The following PLXNB1 variants were observed in gnomAD, a reference collection of about 807,000 sequenced individuals.
PLXNB1 encodes plexin B1, also known as plexin-B1.
In PLXNB1, 106 loss-of-function variants were observed where a neutral mutation model predicts 209.4. That is an observed-to-expected ratio of 0.51 (90% CI 0.43 to 0.59). The LOEUF (loss-of-function observed/expected upper bound fraction) is 0.59. Ranked by LOEUF, PLXNB1 falls within the 20% of genes least tolerant of loss-of-function variation. The pLI is 0.00. For synonymous variants in PLXNB1, 1,167 were observed against 1,183.2 expected (o/e 0.99, Z 0.28); for missense variants, 2,357 against 2,853.2 (o/e 0.83, Z 3.96).
At position 48,418,913 on chromosome 3, in the gene PLXNB1, G is replaced by A. The variant is rs1473580943; in HGVS notation, c.2955+4C>T. 4 of 1,613,818 alleles carry A rather than the reference G, an allele frequency of 2.5e-6. No homozygotes were observed. Among genetic ancestry groups the A allele is most frequent in the South Asian group, 2.2e-5 (2 of 91,088 alleles). On this transcript the variant is annotated splice_donor_region_variant and intron_variant, in intron 13 of 37. Coordinates refer to ENST00000296440, the MANE Select transcript of PLXNB1 (RefSeq NM_001130082.3). The surrounding 1 kb of genome is among the most constrained non-coding windows in gnomAD (Gnocchi z 6.6). ...GTGCCCACCCAGGCGCTCATGGTGTGCACCTGGTGCTGCTGGCAGGTGACA... is the reference window on the plus strand; with the variant it reads ...GTGCCCACCCAGGCGCTCATGGTGTACACCTGGTGCTGCTGGCAGGTGACA...
rs545678060 is a variant in PLXNB1 at position 48,405,606 on chromosome 3, C to T, written c.6303+118G>A. On this transcript the variant is annotated intron_variant, in intron 37 of 37. Transcript: ENST00000296440. This position sits in a 1 kb window ranked among gnomAD's most constrained non-coding sequence, Gnocchi z 5.0. Reference sequence around the variant, plus strand: ...CAAGCCACCAAGGGGCCCGGCCCCCCACTACTCTGTCCCTGGGGAAGACCA... The same window carrying T: ...CAAGCCACCAAGGGGCCCGGCCCCCTACTACTCTGTCCCTGGGGAAGACCA... 5 of 771,352 alleles carry T rather than the reference C, an allele frequency of 6.5e-6. No individual in the cohort carries two copies. Among genetic ancestry groups the T allele is most frequent in the East Asian group, 2.7e-5 (1 of 36,604 alleles). 47.8% of individuals were successfully genotyped at this position (771,352 alleles called of 1,614,324 possible).
Position 48,424,251 on chromosome 3 carries a change from G to A in PLXNB1, c.361C>T (p.Gln121Ter). The A allele has an allele frequency of 6.2e-7, 1 of 1,602,200 alleles. No homozygotes were observed. Among genetic ancestry groups the A allele is most frequent in the Non-Finnish European group, 8.5e-7 (1 of 1,174,628 alleles). ...TGCTCGAGCTGCCCCAGGCGCCGCT[G>A]TTCACAGACCCCCTGGTGCACGCTC... The part of the protein sequence containing the change: ...CGSVHQGVCE[Q>*]RRLGQLEQLL... Residue 121 changes from glutamine (Q) to a stop codon, truncating the protein, a stop_gained, in exon 3 of 38, where the codon CAG (glutamine) becomes TAG (stop). Transcript: ENST00000296440. LOFTEE classifies it high-confidence loss of function.
At position 48,416,211 on chromosome 3, in the gene PLXNB1, A is replaced by G. The variant is rs781123340; in HGVS notation, c.3481-44T>C. On this transcript the variant is annotated intron_variant, in intron 17 of 37. Transcript: ENST00000296440. This position sits in a 1 kb window ranked among gnomAD's most constrained non-coding sequence, Gnocchi z 4.1. ...GAGAGATGAGCATCAGACCAGACAC[A>G]TGGAGGCAGGGACAGCCTGAGAGAC... is the stretch of plus-strand genomic sequence containing the variant. 10 of 1,461,458 alleles carry G rather than the reference A, an allele frequency of 6.8e-6. No homozygotes were observed. Among genetic ancestry groups the G allele is most frequent in the Non-Finnish European group, 9.3e-6 (10 of 1,073,894 alleles). The allele number at this position is 1,461,458 out of a possible 1,614,324, so 90.5% of individuals were successfully genotyped here.
Position 48,418,061 on chromosome 3 carries a change from A to G in PLXNB1, c.3224T>C (p.Val1075Ala), listed in dbSNP as rs780829874. Residue 1075 changes from valine to alanine, a missense_variant and splice_region_variant, in exon 16 of 38, where the codon GTG becomes GCG. Coordinates refer to ENST00000296440, the MANE Select transcript of PLXNB1 (RefSeq NM_001130082.3). The surrounding 1 kb of genome is among the most constrained non-coding windows in gnomAD (Gnocchi z 6.6). ...TQCPAPLIHS[V>A]EPLTGPVDGG... ...GTCTACAGGCCCAGTCAGTGGCTCC[A>G]CCTGTTCCAGGACAAGGACTGCTCA... is the stretch of plus-strand genomic sequence containing the variant. 1.2e-6 allele frequency: 2 copies of G among 1,612,124 alleles called. No homozygotes were observed. The highest frequency in any genetic ancestry group is 1.7e-6 in the Non-Finnish European group (2 of 1,179,440).
intron 10 of PLXNB1, 55 bp downstream of exon 10, chr3:48,420,610 C>G: frequency 7.0e-7 from 1 of 1,422,220 alleles, no homozygotes; most frequent in Non-Finnish European, 9.9e-7. Context: ...GAGAAAAACT[C>G]TCACACTGGG....
In PLXNB1 at chr3:48,419,595, G is replaced by A. The variant is rs200529420; in HGVS notation, c.2691C>T (p.Thr897=). 4.3e-6 allele frequency: 7 copies of A among 1,609,280 alleles called. No individual in the cohort carries two copies. In the East Asian group the frequency reaches 1.3e-4, roughly 31 times the overall value. ...GCCTCACCAGCTCCCAGAGCCCGGGGGTGTCATACTGGTAGTCGAGGCTGG... is the reference window on the plus strand; with the variant it reads ...GCCTCACCAGCTCCCAGAGCCCGGGAGTGTCATACTGGTAGTCGAGGCTGG... ...LPSSLDYQYD[T]PGLWELEEAT... is the part of the protein sequence containing the mutation. Residue 897 remains threonine (T), a synonymous_variant, in exon 11 of 38, where the codon ACC becomes ACT. Transcript: ENST00000296440. This position sits in a 1 kb window ranked among gnomAD's most constrained non-coding sequence, Gnocchi z 5.7.
At position 48,415,210 on chromosome 3, in the gene PLXNB1, G is replaced by A. The variant is rs750245372; in HGVS notation, c.3932C>T (p.Ala1311Val). The A allele has an allele frequency of 1.1e-5, 18 of 1,613,340 alleles. No homozygotes were observed. The highest frequency in any genetic ancestry group is 1.4e-5 in the Non-Finnish European group (17 of 1,179,986). ...ACTGCAGGAGGGTCCAAGGGAACAT[G>A]CCGTCTCCGGGACCACGCGACGCCT... ...GRRRRVVPETACSLGPSCSSQ... is the reference protein window; with the variant it reads ...GRRRRVVPETVCSLGPSCSSQ... The change falls in exon 20 of 38, where the codon GCA becomes GTA. Residue 1311 changes from alanine to valine, a missense_variant. Transcript: ENST00000296440. The surrounding 1 kb of genome is among the most constrained non-coding windows in gnomAD (Gnocchi z 5.0).
intron 4 of PLXNB1, 137 bp from the exon 5 acceptor site, chr3:48,422,596 G>T: frequency 7.8e-7 from 1 of 1,278,944 alleles, no homozygotes; most frequent in Non-Finnish European, 1.1e-6. Flanking sequence ...AACTGGCCTA[G>T]CGGGGATGGA....
At position 48,415,486 on chromosome 3, in the gene PLXNB1, C is replaced by A. The variant is rs936071455; in HGVS notation, c.3794+97G>T. The A allele has an allele frequency of 4.2e-6, 6 of 1,421,414 alleles. No individual in the cohort carries two copies. In the African/African-American group the frequency reaches 8.5e-5, roughly 20 times the overall value. The allele number at this position is 1,421,414 out of a possible 1,614,324, so 88.1% of individuals were successfully genotyped here. A position where few individuals can be genotyped will look rare whatever the true frequency, so the allele number is the denominator to read the frequency against. On this transcript the variant is annotated intron_variant, in intron 19 of 37. Coordinates refer to ENST00000296440, the MANE Select transcript of PLXNB1 (RefSeq NM_001130082.3). The surrounding 1 kb of genome is among the most constrained non-coding windows in gnomAD (Gnocchi z 5.0). ...TTGCCCCTACTAGCAGCATGGGATT[C>A]TCAGTGCCTCAACATAAAGCCCTAC...
intron 25 of PLXNB1, 29 bp from the exon 26 acceptor site, chr3:48,412,649 G>A (rs55830941): frequency 9.3e-6 from 15 of 1,609,546 alleles, no homozygotes; most frequent in Non-Finnish European, 1.3e-5. Context: ...GATGGGAAAA[G>A]GGGTTTAGGG....
In PLXNB1 at chr3:48,420,683, G is replaced by C; in HGVS notation, c.2010C>G (p.Pro670=). Residue 670 remains proline (P), a synonymous_variant, in exon 10 of 38, where the codon CCC becomes CCG. Coordinates refer to ENST00000296440, the MANE Select transcript of PLXNB1 (RefSeq NM_001130082.3). ...CTHKASCDAG[P]MVASHQSPLV... ...CACTCACCTGATGGCTTGCAACCAT[G>C]GGCCCAGCATCACACGAGGCCTTGT... 1 of 1,613,664 alleles carries C rather than the reference G, an allele frequency of 6.2e-7. No individual in the cohort carries two copies. The highest frequency in any genetic ancestry group is 8.5e-7 in the Non-Finnish European group (1 of 1,179,806).
rs904354927 is a variant in PLXNB1, at chr3:48,413,312, G to A, written c.4536-143C>T. On this transcript the variant is annotated intron_variant, in intron 23 of 37. Coordinates refer to ENST00000296440, the MANE Select transcript of PLXNB1 (RefSeq NM_001130082.3). The surrounding 1 kb of genome is among the most constrained non-coding windows in gnomAD (Gnocchi z 5.4). ...GCCAAGCTCAAGCCTAGCCCAGTAC[G>A]ATTCAGCCTGTCCCGTCCCAAGCAA... 5.8e-6 allele frequency: 4 copies of A among 690,116 alleles called. No individual in the cohort carries two copies. The highest frequency in any genetic ancestry group is 3.4e-5 in the South Asian group (2 of 58,216). 42.7% of individuals were successfully genotyped at this position (690,116 alleles called of 1,614,324 possible). A position where few individuals can be genotyped will look rare whatever the true frequency, so the allele number is the denominator to read the frequency against.
intron 1 of PLXNB1, among the ~76,000 whole-genome samples, chr3:48,427,491 G>A (rs865809912): frequency 6.6e-6 from 1 of 152,036 alleles, no homozygotes; most frequent in South Asian, 2.1e-4. Context: ...CTCCAATCTA[G>A]CCTCCCAACT....
rs899863434 is a variant in PLXNB1, at chr3:48,418,554, G to A, written c.2956-12C>T. 18 of 1,580,666 alleles carry A rather than the reference G, an allele frequency of 1.1e-5. No homozygotes were observed. The highest frequency in any genetic ancestry group is 1.5e-5 in the Non-Finnish European group (17 of 1,163,634). ...GCCTCATAGCTGAGCTGGAGAAATG[G>A]GAGTGGGTTCAGAGTCAAGCACTGG... On this transcript the variant is annotated splice_polypyrimidine_tract_variant and intron_variant, in intron 13 of 37. Coordinates refer to ENST00000296440, the MANE Select transcript of PLXNB1 (RefSeq NM_001130082.3). This position sits in a 1 kb window ranked among gnomAD's most constrained non-coding sequence, Gnocchi z 6.6.
intron 1 of PLXNB1, among the ~76,000 whole-genome samples, chr3:48,427,237 C>T (rs1032881102): frequency 3.9e-5 from 6 of 152,146 alleles, no homozygotes; most frequent in African/African-American, 1.4e-4. Flanking sequence ...AAGAAATGGG[C>T]GGGATCAGAA....
rs2038059485 is a variant in PLXNB1, at chr3:48,415,882, TC to T, written c.3618-124del. On this transcript the variant is annotated intron_variant, in intron 18 of 37. Coordinates refer to ENST00000296440, the MANE Select transcript of PLXNB1 (RefSeq NM_001130082.3). The surrounding 1 kb of genome is among the most constrained non-coding windows in gnomAD (Gnocchi z 5.0). ...CCACCAGGTGTCCCTGGAGGTGCAC[TC>T]CCACCACAGCTGGCTAGGGAGGGTC... 7.5e-7 allele frequency: 1 copy of T among 1,334,566 alleles called. No homozygotes were observed. The highest frequency in any genetic ancestry group is 1.0e-6 in the Non-Finnish European group (1 of 978,822). 82.7% of individuals were successfully genotyped at this position (1,334,566 alleles called of 1,614,324 possible). A position where few individuals can be genotyped will look rare whatever the true frequency, so the allele number is the denominator to read the frequency against.
rs1372595164 is a variant in PLXNB1 at position 48,404,346 on chromosome 3, G to A, written c.*140C>T. ...TGGATCCAGCAGGGCCGAGGCCAGA[G>A]CCACCAGGAGACTGGGAGTCACCTT... On this transcript the variant is annotated 3_prime_UTR_variant, in exon 38 of 38. Coordinates refer to ENST00000296440, the MANE Select transcript of PLXNB1 (RefSeq NM_001130082.3). 6 of 608,438 alleles carry A rather than the reference G, an allele frequency of 9.9e-6. No individual in the cohort carries two copies. In the Admixed American group the frequency reaches 1.2e-4, roughly 12 times the overall value. The allele number at this position is 608,438 out of a possible 1,614,324, so 37.7% of individuals were successfully genotyped here.
Position 48,405,975 on chromosome 3 carries a change from G to A in PLXNB1, c.6229-177C>T, listed in dbSNP as rs900127476. 8.3e-5 allele frequency: 49 copies of A among 588,800 alleles called. No homozygotes were observed. The highest frequency in any genetic ancestry group is 1.9e-5 in the Non-Finnish European group (6 of 323,558). The allele number at this position is 588,800 out of a possible 1,614,324, so 36.5% of individuals were successfully genotyped here. On this transcript the variant is annotated intron_variant, in intron 36 of 37. Coordinates refer to ENST00000296440, the MANE Select transcript of PLXNB1 (RefSeq NM_001130082.3). The surrounding 1 kb of genome is among the most constrained non-coding windows in gnomAD (Gnocchi z 5.0). ...ATGGCCCAGGGACCCCAGGCCAGGT[G>A]TGCCAGATGGGGACAGAACAGGGTA...
In PLXNB1 at chr3:48,415,719, T is replaced by C. The variant is rs1311148774; in HGVS notation, c.3658A>G (p.Ser1220Gly). The C allele has an allele frequency of 1.3e-6, 2 of 1,552,018 alleles. No homozygotes were observed. Among genetic ancestry groups the C allele is most frequent in the Non-Finnish European group, 1.7e-6 (2 of 1,147,198 alleles). ...AGCGTGGCAGGCGTGGGGCGTGGGC[T>C]GGTCTCACACCGCAGTTGTTCTGAC... is the stretch of plus-strand genomic sequence containing the variant. ...QQSEQLRCETSPRPTPATLPV... is the reference protein window; with the variant it reads ...QQSEQLRCETGPRPTPATLPV... The change falls in exon 19 of 38, where the codon AGC becomes GGC. Residue 1220 changes from serine (S) to glycine (G), a missense_variant. Coordinates refer to ENST00000296440, the MANE Select transcript of PLXNB1 (RefSeq NM_001130082.3). The surrounding 1 kb of genome is among the most constrained non-coding windows in gnomAD (Gnocchi z 5.0).
Sources: allele counts gnomAD v4.1 joint callset (sites outside exome capture counted in the v4.1 genomes callset), GRCh38; gene constraint gnomAD v4.1.1; non-coding constraint Gnocchi (gnomAD v3.1); transcripts MANE v1.5; gene names NCBI Gene and HGNC (gene_info 2026-07-23, HGNC 2026-07-21).